NOL8: variants seen among roughly 807,000 people sequenced by gnomAD.
The protein encoded by NOL8 is nucleolar protein Nop132.
NOL8 carries 93 observed loss-of-function variants against 116.1 expected under a neutral mutation model. The ratio of observed to expected loss-of-function variants is 0.80; its 90% CI spans 0.68 to 0.95. The LOEUF is 0.95. Ranked by LOEUF, NOL8 falls within the 40% of genes least tolerant of loss-of-function variation. The probability of loss-of-function intolerance (pLI) is 0.00; values close to 1 mark genes in which losing one functional copy is unlikely to be tolerated. For missense variants in NOL8, 1,291 were observed against 1,382.8 expected, an observed-to-expected ratio of 0.93 and a Z score of 1.05; for synonymous variants, 419 against 469.0, an observed-to-expected ratio of 0.89 and a Z score of 1.38.
intron 13 of NOL8, chr9:92,300,780 T>C: frequency 8.5e-7 from 1 of 1,171,786 alleles, no homozygotes; most frequent in Non-Finnish European, 1.1e-6. Context: ...ATTGCACCAC[T>C]GCACTCCAGC....
intron 10 of NOL8, among the ~76,000 whole-genome samples, chr9:92,308,183 G>A (rs1838447681): frequency 6.6e-6 from 1 of 152,074 alleles, no homozygotes; most frequent in South Asian, 2.1e-4. Flanking sequence ...GAGGCCAGGA[G>A]TTTGAGACCC....
chr9:92,324,122 C>T lies in NOL8; in HGVS notation c.40G>A (p.Gly14Ser), dbSNP rs1293110062. 3 of 1,613,870 alleles carry T rather than the reference C, an allele frequency of 1.9e-6. No individual in the cohort carries two copies. Among genetic ancestry groups the T allele is most frequent in the East Asian group, 4.5e-5 (2 of 44,890 alleles). Residue 14 changes from glycine (G) to serine (S), a missense_variant, in exon 2 of 17, where the codon GGC (glycine) becomes AGC (serine). Coordinates refer to ENST00000442668, the MANE Select transcript of NOL8 (RefSeq NM_017948.6). Reference sequence around the variant, plus strand: ...GCCTCAGAAATGTCCTGGCTAAGGCCACCCACATAAAGGCGCTTCGTTTCT... The same window carrying T: ...GCCTCAGAAATGTCCTGGCTAAGGCTACCCACATAAAGGCGCTTCGTTTCT... ...NRETKRLYVG[G>S]LSQDISEADL... is the part of the protein sequence containing the mutation.
intron 8 of NOL8, 163 bp from the exon 9 acceptor site, chr9:92,310,838 A>C (rs1587973307): frequency 4.2e-6 from 3 of 717,936 alleles, no homozygotes; most frequent in Non-Finnish European, 6.7e-6. Flanking sequence ...GTGAAATCTA[A>C]CTGGCCTCTG....
chr9:92,299,724 C>T (rs1837559037), intron 14 of NOL8, among the ~76,000 whole-genome samples, 166 bp downstream of exon 14: 1 of 151,464 alleles, frequency 6.6e-6, no homozygotes, highest in Non-Finnish European at 1.5e-5. Context: ...TGCACTACAG[C>T]CTGGGCGACA....
rs541561755 is a variant in NOL8 at position 92,320,884 on chromosome 9, G to A, written c.281+784C>T. On this transcript the variant is annotated intron_variant, in intron 4 of 16. Coordinates refer to ENST00000442668, the MANE Select transcript of NOL8 (RefSeq NM_017948.6). ...GGCCTCCCAAAGTGCTGGGATTACA[G>A]GCGTGAGCCACCGTGCCCGGCCTCT... Among the ~76,000 whole-genome samples, 61 of 152,328 alleles carry A rather than the reference G, an allele frequency of 4.0e-4. No individual in the cohort carries two copies. In the South Asian group the frequency reaches 0.012, roughly 30 times the overall value.
Position 92,306,875 on chromosome 9 carries a change from A to T in NOL8, c.2825+11T>A. 1 of 1,610,426 alleles carries T rather than the reference A, an allele frequency of 6.2e-7. No homozygotes were observed. Among genetic ancestry groups the T allele is most frequent in the South Asian group, 1.1e-5 (1 of 90,112 alleles). The stretch of plus-strand genomic sequence containing the variant: ...ATGATATGGTAGAATGGGATGGAAC[A>T]TAAAACATACTTAAATTTCTTAGCA... On this transcript the variant is annotated intron_variant, in intron 11 of 16. Coordinates refer to ENST00000442668, the MANE Select transcript of NOL8 (RefSeq NM_017948.6).
At chr9:92,311,641 C>A (rs1838805245) in intron 7 of NOL8, among the ~76,000 whole-genome samples, 1 of 152,116 alleles carries the variant, frequency 6.6e-6, no homozygotes, top group Non-Finnish European at 1.5e-5. Flanking sequence ...AAATCAAAAC[C>A]ACAATGAGAT....
chr9:92,319,334 C>G lies in NOL8; in HGVS notation c.304G>C (p.Ala102Pro). ...LHRLAQEREAAKAKKEESTTG... is the reference protein window; with the variant it reads ...LHRLAQEREAPKAKKEESTTG... ...GTTGATTCTTCTTTCTTAGCTTTTG[C>G]TGCTTCTCTCTCTTGGGCCAATCTG... Residue 102 changes from alanine (A) to proline (P), a missense_variant, in exon 5 of 17, where the codon GCA (alanine) becomes CCA (proline). By Grantham distance (27) the Ala-to-Pro change is conservative. Coordinates refer to ENST00000442668, the MANE Select transcript of NOL8 (RefSeq NM_017948.6). 1.3e-6 allele frequency: 2 copies of G among 1,589,936 alleles called. No homozygotes were observed. Among genetic ancestry groups the G allele is most frequent in the South Asian group, 2.3e-5 (2 of 88,006 alleles).
In NOL8 at chr9:92,314,613, G is replaced by A; in HGVS notation, c.2012C>T (p.Pro671Leu). 1 of 1,612,796 alleles carries A rather than the reference G, an allele frequency of 6.2e-7. No homozygotes were observed. Among genetic ancestry groups the A allele is most frequent in the Non-Finnish European group, 8.5e-7 (1 of 1,179,302 alleles). The change falls in exon 7 of 17, where the codon CCT becomes CTT. Residue 671 changes from proline to leucine, a missense_variant. Coordinates refer to ENST00000442668, the MANE Select transcript of NOL8 (RefSeq NM_017948.6). The part of the protein sequence containing the change: ...PSSSEKRSKN[P>L]ISRPLEGKKS... ...CTTACCTTCTAATGGCCTAGAAATA[G>A]GATTCTTACTTCTCTTTTCAGAACT...
At chr9:92,311,358 TTAAAC>T (rs1277562292) in intron 7 of NOL8, 99 bp from the exon 8 acceptor site, 12 of 753,456 alleles carry the variant, frequency 1.6e-5, no homozygotes, top group Non-Finnish European at 2.4e-5. Context: ...TGGGATCTAA[TTAAAC>T]TAAAGAGCTT....
rs774808149 is a variant in NOL8, at chr9:92,315,028, G to A, written c.1597C>T (p.Arg533Cys). ...GGACGAATACACTGTCGGCCTCTGC[G>A]GAGGCCAGTGGGAGTCTTGGGGCTC... The part of the protein sequence containing the change: ...SKSPKTPTGL[R>C]RGRQCIRPAE... The change falls in exon 7 of 17, where the codon CGC becomes TGC. Residue 533 changes from arginine to cysteine, a missense_variant. By Grantham distance (180) the Arg-to-Cys change is radical. Coordinates refer to ENST00000442668, the MANE Select transcript of NOL8 (RefSeq NM_017948.6). 1.6e-5 allele frequency: 26 copies of A among 1,613,912 alleles called. No homozygotes were observed. Among genetic ancestry groups the A allele is most frequent in the Non-Finnish European group, 2.0e-5 (24 of 1,179,890 alleles).
At chr9:92,307,315 T>C (rs1037492764) in intron 10 of NOL8, among the ~76,000 whole-genome samples, 5 of 152,166 alleles carry the variant, frequency 3.3e-5, no homozygotes, top group Admixed American at 2.0e-4. Flanking sequence ...GATCGACAAA[T>C]GTAATAGAGC....
chr9:92,315,819 G>A lies in NOL8; in HGVS notation c.806C>T (p.Pro269Leu), dbSNP rs1839347175. The change falls in exon 7 of 17, where the codon CCT becomes CTT. Residue 269 changes from proline to leucine, a missense_variant. Physicochemically the swap from Pro to Leu is moderately conservative, Grantham distance 98 (BLOSUM62 -3). Transcript: ENST00000442668. ...CDSITPSKSS[P>L]VPVSDTQKLK... ...TTTCTGAGTATCAGAAACAGGTACA[G>A]GAGATGATTTAGAAGGAGTAATGGA... 3.7e-6 allele frequency: 6 copies of A among 1,613,982 alleles called. No homozygotes were observed. The East Asian group carries it at 1.1e-4, about 30-fold the overall frequency.
intron 6 of NOL8, among the ~76,000 whole-genome samples, chr9:92,317,578 G>C (rs1001563256): frequency 4.6e-5 from 7 of 152,186 alleles, no homozygotes; most frequent in South Asian, 2.1e-4. Context: ...TCTAGTCCCA[G>C]TGGGGTAGTG....
chr9:92,310,698 T>G (rs761218002), intron 8 of NOL8, 23 bp from the exon 9 acceptor site: 19 of 1,584,884 alleles, frequency 1.2e-5, no homozygotes, highest in Non-Finnish European at 1.5e-5. Flanking sequence ...ACAACATTTA[T>G]TAATAGCAGA....
At chr9:92,300,995 T>G (rs1837692036) in intron 13 of NOL8, among the ~76,000 whole-genome samples, 1 of 152,202 alleles carries the variant, frequency 6.6e-6, no homozygotes, top group African/African-American at 2.4e-5. Flanking sequence ...GTCAGGTGTT[T>G]TTTAACCTGT....
chr9:92,321,414 A>C (rs1839912244), intron 4 of NOL8, among the ~76,000 whole-genome samples: 1 of 152,218 alleles, frequency 6.6e-6, no homozygotes, highest in African/African-American at 2.4e-5. Flanking sequence ...ATATGCTTTT[A>C]TAGCTCATTA....
intron 13 of NOL8, 108 bp from the exon 14 acceptor site, chr9:92,300,124 A>G: frequency 7.0e-7 from 1 of 1,431,712 alleles, no homozygotes; most frequent in Non-Finnish European, 9.2e-7. Flanking sequence ...CTAAAGTTCC[A>G]ATATGTTAAT....
chr9:92,298,247 A>G lies in NOL8; in HGVS notation c.3453+10T>C, dbSNP rs981208144. The G allele has an allele frequency of 1.3e-6, 2 of 1,588,084 alleles. No individual in the cohort carries two copies. The highest frequency in any genetic ancestry group is 1.7e-6 in the Non-Finnish European group (2 of 1,163,142). Reference sequence around the variant, plus strand: ...ATTTTAGGAAATAATATGGAGAAACAATTACTCACCATACGCAGGTTGGTT... The same window carrying G: ...ATTTTAGGAAATAATATGGAGAAACGATTACTCACCATACGCAGGTTGGTT... On this transcript the variant is annotated intron_variant, in intron 16 of 16. Coordinates refer to ENST00000442668, the MANE Select transcript of NOL8 (RefSeq NM_017948.6).
Sources: gnomAD v4.1 joint callset for allele counts (sites outside exome capture counted in the v4.1 genomes callset) on GRCh38, gnomAD v4.1.1 for gene constraint, MANE v1.5 for transcripts, NCBI Gene and HGNC (gene_info 2026-07-23, HGNC 2026-07-21) for gene names.